Variants in SHANK1 observed in about 807,000 individuals in gnomAD.
SHANK1 encodes the protein SH3 and multiple ankyrin repeat domains 1.
SHANK1 carries 35 observed loss-of-function variants against 165.6 expected under a neutral mutation model. The ratio of observed to expected loss-of-function variants is 0.21; its 90% CI spans 0.16 to 0.28. The LOEUF is 0.28. SHANK1 is among the 10% of genes least tolerant of loss of function. The pLI, the probability that SHANK1 is intolerant of heterozygous loss-of-function variation, is 1.00. For synonymous variants in SHANK1, 1,428 were observed against 1,384.8 expected (o/e 1.03, Z -0.69); for missense variants, 2,681 against 3,036.4 (o/e 0.88, Z 2.75).
rs1383706073 is a variant in SHANK1, at chr19:50,712,037, C to T, written c.870G>A (p.Val290=). 1.2e-6 allele frequency: 2 copies of T among 1,613,962 alleles called. No homozygotes were observed. Among genetic ancestry groups the T allele is most frequent in the South Asian group, 1.1e-5 (1 of 91,088 alleles). ...GLTPLFHTAM[V]GGDPRCCELL... Reference sequence around the variant, plus strand: ...GCTCGCAGCATCGGGGGTCACCACCCACCATGGCCGTGTGGAACAGAGGGG... The same window carrying T: ...GCTCGCAGCATCGGGGGTCACCACCTACCATGGCCGTGTGGAACAGAGGGG... Residue 290 remains valine (V), a synonymous_variant, in exon 7 of 24, where the codon GTG becomes GTA. Transcript: ENST00000293441.
Position 50,703,680 on chromosome 19 carries a change from G to C in SHANK1, c.1373C>G (p.Ser458Cys). The change falls in exon 11 of 24, where the codon TCC becomes TGC. Residue 458 changes from serine (S) to cysteine (C), a missense_variant. Physicochemically the swap from Ser to Cys is moderately radical, Grantham distance 112. Coordinates refer to ENST00000293441, the MANE Select transcript of SHANK1 (RefSeq NM_016148.5). ...TGAGGTAGGGCCAGGGGCCCCAGAGGACGCGGCCCCCGGGGCGGAGAACAC... is the reference window on the plus strand; with the variant it reads ...TGAGGTAGGGCCAGGGGCCCCAGAGCACGCGGCCCCCGGGGCGGAGAACAC... Reference protein sequence around the residue: ...WMVFSAPGAASSGAPGPTSGS... With the variant: ...WMVFSAPGAACSGAPGPTSGS... 1.4e-6 allele frequency: 2 copies of C among 1,474,126 alleles called. No individual in the cohort carries two copies. Among genetic ancestry groups the C allele is most frequent in the Non-Finnish European group, 1.8e-6 (2 of 1,114,538 alleles). 91.3% of individuals were successfully genotyped at this position (1,474,126 alleles called of 1,614,324 possible).
In SHANK1 at chr19:50,663,940, C is replaced by CTT. The variant is rs3087079; in HGVS notation, c.5769-1260_5769-1259dup. On this transcript the variant is annotated intron_variant, in intron 23 of 23. Coordinates refer to ENST00000293441, the MANE Select transcript of SHANK1 (RefSeq NM_016148.5). ...TTCTTTTCTTTCTCTCTCTCTCTCTCTTTTTTTTTTTTTTTTTAAGACAGG... is the reference window on the plus strand; with the variant it reads ...TTCTTTTCTTTCTCTCTCTCTCTCTCTTTTTTTTTTTTTTTTTTTAAGACAGG... 5.2e-3 allele frequency among the ~76,000 whole-genome samples: 563 copies of CTT among 108,898 alleles called. 32 individuals carry two copies. Among genetic ancestry groups the CTT allele is most frequent in the African/African-American group, 0.016 (431 of 26,146 alleles). The allele number at this position is 108,898 out of a possible 152,430, so 71.4% of individuals were successfully genotyped here.
intron 21 of SHANK1, among the ~76,000 whole-genome samples, chr19:50,673,690 C>T (rs1985881717): frequency 6.6e-6 from 1 of 151,992 alleles, no homozygotes; most frequent in African/African-American, 2.4e-5. Context: ...GTCTAGGGCC[C>T]ATGATGCTTT....
At chr19:50,709,805 C>G (rs2088986477) in intron 8 of SHANK1, among the ~76,000 whole-genome samples, 1 of 152,204 alleles carries the variant, frequency 6.6e-6, no homozygotes, top group African/African-American at 2.4e-5. Flanking sequence ...CCTGCCTTAG[C>G]CTCCCAAAGT....
intron 8 of SHANK1, among the ~76,000 whole-genome samples, chr19:50,707,983 T>C (rs1304922735): frequency 2.0e-5 from 3 of 146,470 alleles, no homozygotes; most frequent in Non-Finnish European, 4.5e-5. Flanking sequence ...AGTCTCACTC[T>C]GTTACCCAGG....
chr19:50,667,372 AG>A lies in SHANK1; in HGVS notation c.4587del (p.Ser1530ProfsTer95). On this transcript the variant is annotated frameshift_variant, in exon 23 of 24. Transcript: ENST00000293441. LOFTEE classifies it high-confidence loss of function. The surrounding 1 kb of genome is among the most constrained non-coding windows in gnomAD (Gnocchi z 5.7). ...PPPSPRRSVP[P>X]SPTSPRASEE... ...TCGCTGGCCCTCGGGGAGGTCGGGG[AG>A]GGGGGCACGGACCGGCGTGGGCTGG... is the stretch of plus-strand genomic sequence containing the variant. 3 of 1,446,276 alleles carry A rather than the reference AG, an allele frequency of 2.1e-6. No homozygotes were observed. The highest frequency in any genetic ancestry group is 1.9e-6 in the Non-Finnish European group (2 of 1,077,162). The allele number at this position is 1,446,276 out of a possible 1,614,324, so 89.6% of individuals were successfully genotyped here.
At chr19:50,696,576 C>G (rs1438102915) in intron 15 of SHANK1, among the ~76,000 whole-genome samples, 3 of 152,102 alleles carry the variant, frequency 2.0e-5, no homozygotes, top group East Asian at 3.8e-4. Flanking sequence ...CTCCCTCCCC[C>G]ACAGCCCTGT....
Position 50,668,957 on chromosome 19 carries a change from G to A in SHANK1, c.3003C>T (p.Pro1001=), listed in dbSNP as rs749576794. ...GPLPPAHHHP[P]HHHHHHAPPP... ...GCGGGGCGTGGTGGTGGTGGTGGTG[G>A]GGCGGGTGGTGGTGGGCCGGGGGCA... The change falls in exon 23 of 24, where the codon CCC becomes CCT. Residue 1001 remains proline (P), a synonymous_variant. Coordinates refer to ENST00000293441, the MANE Select transcript of SHANK1 (RefSeq NM_016148.5). 12 of 583,920 alleles carry A rather than the reference G, an allele frequency of 2.1e-5. No individual in the cohort carries two copies. Among genetic ancestry groups the A allele is most frequent in the Non-Finnish European group, 3.1e-5 (11 of 350,640 alleles). The allele number at this position is 583,920 out of a possible 1,614,324, so 36.2% of individuals were successfully genotyped here.
chr19:50,687,103 C>T (rs925137954), intron 19 of SHANK1: 77 of 1,221,274 alleles, frequency 6.3e-5, no homozygotes, highest in Non-Finnish European at 7.7e-5. Flanking sequence ...GGTGAGGGGC[C>T]CCCTGTCTGG....
rs111296421 is a variant in SHANK1 at position 50,666,024 on chromosome 19, GAA to G, written c.5768+166_5768+167del. ...GAAACTCCCTCTCAAGAAAAGAAAA[GAA>G]AAAAAAAAAAAGAAAAAGAAAATAT... On this transcript the variant is annotated intron_variant, in intron 23 of 23. Coordinates refer to ENST00000293441, the MANE Select transcript of SHANK1 (RefSeq NM_016148.5). Among the ~76,000 whole-genome samples the G allele has an allele frequency of 6.9e-3, 862 of 124,478 alleles. 8 individuals are homozygous for G. The highest frequency in any genetic ancestry group is 0.025 in the African/African-American group (829 of 33,440). 81.7% of individuals were successfully genotyped at this position (124,478 alleles called of 152,430 possible).
At position 50,668,774 on chromosome 19, in the gene SHANK1, C is replaced by T; in HGVS notation, c.3186G>A (p.Pro1062=). 7.9e-7 allele frequency: 1 copy of T among 1,269,252 alleles called. No homozygotes were observed. Among genetic ancestry groups the T allele is most frequent in the South Asian group, 3.2e-5 (1 of 31,346 alleles). 78.6% of individuals were successfully genotyped at this position (1,269,252 alleles called of 1,614,324 possible). Residue 1062 remains proline, a synonymous_variant, in exon 23 of 24, where the codon CCG becomes CCA. Transcript: ENST00000293441. The stretch of plus-strand genomic sequence containing the variant: ...CCGCGCTGCCGTGGTGCGATGGGGA[C>T]GGGGCCCCCGGGGTCGGGCTGGGCC... ...GGGPSPTPGA[P]SPSHHGSAGG...
At chr19:50,672,555 CAAAAAA>C (rs3987747) in intron 21 of SHANK1, among the ~76,000 whole-genome samples, 6 of 35,508 alleles carry the variant, frequency 1.7e-4, no homozygotes, top group African/African-American at 4.5e-4. Flanking sequence ...GACTCTGTCT[CAAAAAA>C]AAAAAAAAAA....
At chr19:50,682,933 C>G (rs1320467177) in intron 21 of SHANK1, among the ~76,000 whole-genome samples, 1 of 152,164 alleles carries the variant, frequency 6.6e-6, no homozygotes, top group Non-Finnish European at 1.5e-5. Flanking sequence ...TCAGGTGATC[C>G]TCCCTCTTCA....
rs73596615 is a variant in SHANK1, at chr19:50,662,968, G to A, written c.5769-286C>T. Reference sequence around the variant, plus strand: ...AGTGATAATAATAATAATCGTCACCGCTTACTGATGCTCACGTGTGCCAGG... The same window carrying A: ...AGTGATAATAATAATAATCGTCACCACTTACTGATGCTCACGTGTGCCAGG... On this transcript the variant is annotated intron_variant, in intron 23 of 23. Coordinates refer to ENST00000293441, the MANE Select transcript of SHANK1 (RefSeq NM_016148.5). This position sits in a 1 kb window ranked among gnomAD's most constrained non-coding sequence, Gnocchi z 7.7. The A allele has an allele frequency of 0.19, 86,153 of 462,732 alleles. 11,361 individuals are homozygous for A. The highest frequency in any genetic ancestry group is 0.48 in the African/African-American group (23,965 of 50,234). The allele number at this position is 462,732 out of a possible 1,614,324, so 28.7% of individuals were successfully genotyped here.
Position 50,667,988 on chromosome 19 carries a change from C to T in SHANK1, c.3972G>A (p.Gly1324=). ...GGAAGCTGGTGAAGGCGCTGCTGCC[C>T]CCGCCACCCCCGTAGGCTCGGCTAC... is the stretch of plus-strand genomic sequence containing the variant. ...GAGSRAYGGG[G]GSSAFTSFLP... The change falls in exon 23 of 24, where the codon GGG becomes GGA. Residue 1324 remains glycine (G), a synonymous_variant. Coordinates refer to ENST00000293441, the MANE Select transcript of SHANK1 (RefSeq NM_016148.5). The surrounding 1 kb of genome is among the most constrained non-coding windows in gnomAD (Gnocchi z 5.7). 6.9e-7 allele frequency: 1 copy of T among 1,455,434 alleles called. No individual in the cohort carries two copies. The highest frequency in any genetic ancestry group is 2.5e-5 in the Admixed American group (1 of 39,332). 90.2% of individuals were successfully genotyped at this position (1,455,434 alleles called of 1,614,324 possible).
At chr19:50,714,366 G>T in intron 4 of SHANK1, 76 bp from the exon 5 acceptor site, 2 of 1,273,594 alleles carry the variant, frequency 1.6e-6, no homozygotes, top group Non-Finnish European at 1.1e-6. Flanking sequence ...AAGCAGCGAC[G>T]TCCAGTGAAA....
In SHANK1 at chr19:50,695,128, C is replaced by T. The variant is rs912721951; in HGVS notation, c.1964+1968G>A. On this transcript the variant is annotated intron_variant, in intron 15 of 23. Coordinates refer to ENST00000293441, the MANE Select transcript of SHANK1 (RefSeq NM_016148.5). ...CGCCGCGTCCCCGTACCCGCTCGGC[C>T]GAACCCCCGTGTCCGGGCCCCCAGG... Among the ~76,000 whole-genome samples the T allele has an allele frequency of 2.5e-4, 37 of 146,312 alleles. 1 individual carries two copies. Among genetic ancestry groups the T allele is most frequent in the Non-Finnish European group, 2.4e-4 (16 of 65,752 alleles).
rs768614520 is a variant in SHANK1 at position 50,704,532 on chromosome 19, T to C, written c.1078-18A>G. 1.6e-5 allele frequency: 25 copies of C among 1,609,212 alleles called. No homozygotes were observed. Among genetic ancestry groups the C allele is most frequent in the Non-Finnish European group, 2.0e-5 (24 of 1,175,726 alleles). On this transcript the variant is annotated intron_variant, in intron 8 of 23. Coordinates refer to ENST00000293441, the MANE Select transcript of SHANK1 (RefSeq NM_016148.5). ...CAGGTCTCCTGCGGGTAATGGCCAGTGGCACAGGACAAAGAGAGAGAGAAA... is the reference window on the plus strand; with the variant it reads ...CAGGTCTCCTGCGGGTAATGGCCAGCGGCACAGGACAAAGAGAGAGAGAAA...
chr19:50,671,181 T>C (rs1294108991), intron 22 of SHANK1, among the ~76,000 whole-genome samples: 2 of 13,292 alleles, frequency 1.5e-4, no homozygotes, highest in Non-Finnish European at 3.5e-4. Context: ...TTTTTCACTC[T>C]TTTTTTTTTT....
Sources: gnomAD v4.1 joint callset for allele counts (sites outside exome capture counted in the v4.1 genomes callset) on GRCh38, gnomAD v4.1.1 for gene constraint, Gnocchi (gnomAD v3.1) non-coding constraint, MANE v1.5 for transcripts, NCBI Gene and HGNC (gene_info 2026-07-23, HGNC 2026-07-21) for gene names.